The following GRB10 variants were observed in gnomAD, a reference collection of about 807,000 sequenced individuals.
The protein encoded by GRB10 is growth factor receptor-bound protein 10.
A neutral mutation model predicts 80.9 loss-of-function variants in GRB10; 20 were observed. The observed-to-expected ratio is 0.25, with a 90% CI of 0.17 to 0.36. The LOEUF is 0.36. Ranked by LOEUF, GRB10 falls within the 10% of genes least tolerant of loss-of-function variation. GRB10 has a pLI of 1.00. For synonymous variants in GRB10, 291 were observed against 291.5 expected (o/e 1.00, Z 0.02); for missense variants, 548 against 747.7 (o/e 0.73, Z 3.12).
At chr7:50,651,668 T>C (rs1010401845) in intron 7 of GRB10, among the ~76,000 whole-genome samples, 4 of 152,214 alleles carry the variant, frequency 2.6e-5, no homozygotes, top group Admixed American at 2.0e-4. Flanking sequence ...CTCATCCAAA[T>C]AGTTTATAGT....
chr7:50,697,612 T>C (rs1047844833), intron 5 of GRB10, among the ~76,000 whole-genome samples: 2 of 152,200 alleles, frequency 1.3e-5, no homozygotes, highest in South Asian at 4.1e-4. Flanking sequence ...AAACATACCA[T>C]GTAAAGCTAC....
At chr7:50,649,240 G>A (rs1216481727) in intron 7 of GRB10, among the ~76,000 whole-genome samples, 1 of 152,218 alleles carries the variant, frequency 6.6e-6, no homozygotes, top group Non-Finnish European at 1.5e-5. Context: ...TCAGGAGACA[G>A]TGAACAACAC....
chr7:50,665,662 G>T (rs1178556481), intron 7 of GRB10, among the ~76,000 whole-genome samples: 2 of 152,242 alleles, frequency 1.3e-5, no homozygotes, highest in Non-Finnish European at 2.9e-5. Context: ...TGGGACCAGG[G>T]AGGTGAGACC....
chr7:50,624,120 T>G (rs2052420014), intron 8 of GRB10, among the ~76,000 whole-genome samples: 1 of 152,216 alleles, frequency 6.6e-6, no homozygotes, highest in South Asian at 2.1e-4. Context: ...ACAATCTGCC[T>G]TAGTATCTGC....
chr7:50,673,291 C>T (rs751508478), intron 6 of GRB10, among the ~76,000 whole-genome samples: 5 of 152,174 alleles, frequency 3.3e-5, no homozygotes, highest in Non-Finnish European at 7.4e-5. Context: ...CACGCAGGGT[C>T]CCACGGAGCC....
At chr7:50,784,165 C>T (rs1435831952), upstream of GRB10, among the ~76,000 whole-genome samples, 1 of 152,128 alleles carries the variant, frequency 6.6e-6, no homozygotes, top group Non-Finnish European at 1.5e-5. Context: ...TAACTGCGCA[C>T]CCCTCAGAGA....
At chr7:50,659,815 T>A (rs1410055527) in intron 7 of GRB10, among the ~76,000 whole-genome samples, 2 of 152,218 alleles carry the variant, frequency 1.3e-5, no homozygotes, top group Non-Finnish European at 2.9e-5. Context: ...CTGCTACATG[T>A]GTGGGTTTTG....
intron 4 of GRB10, among the ~76,000 whole-genome samples, chr7:50,706,903 G>A (rs576113496): frequency 2.0e-5 from 3 of 152,294 alleles, no homozygotes; most frequent in African/African-American, 4.8e-5. Flanking sequence ...CTGGTGGCCC[G>A]CTGGCCTCCC....
chr7:50,635,145 A>C (rs2054712407), intron 7 of GRB10, among the ~76,000 whole-genome samples: 1 of 152,236 alleles, frequency 6.6e-6, no homozygotes, highest in East Asian at 1.9e-4. Context: ...AGCACATTTC[A>C]ATAAATTTTT....
At chr7:50,750,984 AG>A (rs2074019162) in intron 3 of GRB10, among the ~76,000 whole-genome samples, 1 of 152,196 alleles carries the variant, frequency 6.6e-6, no homozygotes, top group Non-Finnish European at 1.5e-5. Flanking sequence ...GTATGCTCTG[AG>A]GGTCCACAGT....
chr7:50,657,354 C>T (rs1245067320), intron 7 of GRB10, among the ~76,000 whole-genome samples: 1 of 152,126 alleles, frequency 6.6e-6, no homozygotes, highest in East Asian at 1.9e-4. Flanking sequence ...AATGTTGCTT[C>T]CCACTTCCTC....
chr7:50,595,379 TTAAGAA>T lies in GRB10; in HGVS notation c.1638+52_1638+57del, dbSNP rs1051321950. ...GTCGGTTTATAACTTGAAAATTGCA[TTAAGAA>T]TGAAACCAGAAAACAAACCACAAGG... On this transcript the variant is annotated intron_variant, in intron 18 of 18. Transcript: ENST00000401949. 3.2e-6 allele frequency: 3 copies of T among 939,752 alleles called. No homozygotes were observed. The Admixed American group carries it at 5.1e-5, about 16-fold the overall frequency. 58.2% of individuals were successfully genotyped at this position (939,752 alleles called of 1,614,324 possible). A position where few individuals can be genotyped will look rare whatever the true frequency, so the allele number is the denominator to read the frequency against.
chr7:50,722,566 A>G (rs1284355093), intron 4 of GRB10, among the ~76,000 whole-genome samples: 3 of 152,196 alleles, frequency 2.0e-5, no homozygotes, highest in Non-Finnish European at 4.4e-5. Context: ...CCCTGTGACA[A>G]GCACTCAAGA....
At chr7:50,602,844 G>C (rs954866819) in intron 17 of GRB10, among the ~76,000 whole-genome samples, 3 of 152,082 alleles carry the variant, frequency 2.0e-5, no homozygotes, top group Non-Finnish European at 2.9e-5. Context: ...TTAGAGACAG[G>C]CATTGAGATG....
intron 3 of GRB10, among the ~76,000 whole-genome samples, chr7:50,732,643 C>T (rs1383380445): frequency 6.6e-6 from 1 of 152,108 alleles, no homozygotes; most frequent in Non-Finnish European, 1.5e-5. Context: ...CTAAATTTAA[C>T]TCACACATTC....
chr7:50,787,179 T>C (rs1327544004), upstream of GRB10, among the ~76,000 whole-genome samples: 1 of 151,990 alleles, frequency 6.6e-6, no homozygotes, highest in Non-Finnish European at 1.5e-5. Context: ...CAAGAGTGAG[T>C]GTAGGGTGGG....
At chr7:50,660,576 G>A (rs1434926254) in intron 7 of GRB10, among the ~76,000 whole-genome samples, 1 of 152,078 alleles carries the variant, frequency 6.6e-6, no homozygotes, top group East Asian at 1.9e-4. Flanking sequence ...CACCTTCCAA[G>A]TGCCGTGGGC....
At chr7:50,623,802 G>T (rs2052345176) in intron 8 of GRB10, among the ~76,000 whole-genome samples, 1 of 151,992 alleles carries the variant, frequency 6.6e-6, no homozygotes, top group Non-Finnish European at 1.5e-5. Context: ...TAAATGCCTG[G>T]GACCAGAAGC....
intron 7 of GRB10, among the ~76,000 whole-genome samples, chr7:50,647,962 T>C (rs2057453098): frequency 6.6e-6 from 1 of 152,118 alleles, no homozygotes; most frequent in Non-Finnish European, 1.5e-5. Flanking sequence ...GATGCTGACT[T>C]TGGACCTGTT....
Sources: gnomAD v4.1 joint callset for allele counts (sites outside exome capture counted in the v4.1 genomes callset) on GRCh38, gnomAD v4.1.1 for gene constraint, MANE v1.5 for transcripts, NCBI Gene and HGNC (gene_info 2026-07-23, HGNC 2026-07-21) for gene names.